Variants in ESRRA observed in about 807,000 individuals in gnomAD.
The protein encoded by ESRRA is estrogen related receptor alpha.
Under a neutral mutation model 35.6 loss-of-function variants are expected in ESRRA, and 7 were observed. The observed-to-expected ratio is 0.20, with a 90% CI of 0.11 to 0.37. The LOEUF is 0.37. Among genes scored for constraint, ESRRA ranks in the 10% least tolerant of loss-of-function variants. The probability of loss-of-function intolerance (pLI) is 1.00; values close to 1 mark genes in which losing one functional copy is unlikely to be tolerated. For missense variants in ESRRA, 378 were observed against 561.7 expected, an observed-to-expected ratio of 0.67 and a Z score of 3.31; for synonymous variants, 223 against 246.9, an observed-to-expected ratio of 0.90 and a Z score of 0.91.
At position 64,313,102 on chromosome 11, in the gene ESRRA, C is replaced by T. The variant is rs956661556; in HGVS notation, c.326-849C>T. On this transcript the variant is annotated intron_variant, in intron 2 of 6. Transcript: ENST00000000442. This position sits in a 1 kb window ranked among gnomAD's most constrained non-coding sequence, Gnocchi z 4.0. ...CAAGCAGGGACAGCCAAGCGAGGGG[C>T]GAGGTGACAGTGACTATCAGGTCAA... Among the ~76,000 whole-genome samples the T allele has an allele frequency of 3.3e-5, 5 of 151,950 alleles. No individual in the cohort carries two copies. Among genetic ancestry groups the T allele is most frequent in the East Asian group, 1.9e-4 (1 of 5,178 alleles).
At position 64,313,072 on chromosome 11, in the gene ESRRA, T is replaced by C. The variant is rs1273587450; in HGVS notation, c.326-879T>C. Among the ~76,000 whole-genome samples the C allele has an allele frequency of 1.3e-5, 2 of 152,012 alleles. No individual in the cohort carries two copies. Among genetic ancestry groups the C allele is most frequent in the African/African-American group, 2.4e-5 (1 of 41,382 alleles). On this transcript the variant is annotated intron_variant, in intron 2 of 6. Transcript: ENST00000000442. This position sits in a 1 kb window ranked among gnomAD's most constrained non-coding sequence, Gnocchi z 4.0. ...CTTGGCTGCTGAGTCGAGAACAGAC[T>C]GGAGCAAGCAGGGACAGCCAAGCGA...
chr11:64,309,878 G>A (rs984030632), intron 2 of ESRRA, among the ~76,000 whole-genome samples: 1 of 147,786 alleles, frequency 6.8e-6, no homozygotes, highest in African/African-American at 2.5e-5. Flanking sequence ...GTTGGAGTTA[G>A]CCAAGATCGT....
intron 3 of ESRRA, 43 bp from the exon 4 acceptor site, chr11:64,314,196 C>G: frequency 6.3e-7 from 1 of 1,581,406 alleles, no homozygotes; most frequent in Non-Finnish European, 8.6e-7. Context: ...CCCACCCTGC[C>G]CACAGCACCA....
intron 2 of ESRRA, among the ~76,000 whole-genome samples, chr11:64,309,796 G>A (rs191683889): frequency 1.6e-4 from 25 of 151,992 alleles, no homozygotes; most frequent in Admixed American, 1.2e-3. Context: ...GCCAGGTGTC[G>A]TGGTGGGTGC....
chr11:64,308,081 G>A (rs1431242948), intron 2 of ESRRA, among the ~76,000 whole-genome samples: 3 of 151,946 alleles, frequency 2.0e-5, no homozygotes, highest in African/African-American at 7.3e-5. Flanking sequence ...TAGTAGAGAC[G>A]ACGTTTCACC....
At position 64,307,384 on chromosome 11, in the gene ESRRA, C is replaced by G. The variant is rs2035057557; in HGVS notation, c.205C>G (p.Leu69Val). The G allele has an allele frequency of 6.2e-7, 1 of 1,602,342 alleles. No homozygotes were observed. Among genetic ancestry groups the G allele is most frequent in the African/African-American group, 1.3e-5 (1 of 74,758 alleles). The change falls in exon 2 of 7, where the codon CTG becomes GTG. Residue 69 changes from leucine (L) to valine (V), a missense_variant. Physicochemically the swap from Leu to Val is conservative, Grantham distance 32. Around this residue, in one of 4 missense-constraint regions of ESRRA, gnomAD observed 87 missense variants for 92.6 expected, o/e 0.94. Transcript: ENST00000000442. ...GCCTGGCGAGCAGGGCGGTGGGAAG[C>G]TGGTGCTCAGCTCCCTGCCCAAGCG... is the stretch of plus-strand genomic sequence containing the variant. ...AGPGEQGGGK[L>V]VLSSLPKRLC... is the part of the protein sequence containing the mutation.
At position 64,306,989 on chromosome 11, in the gene ESRRA, A is replaced by G. The variant is rs534114877; in HGVS notation, c.-12-179A>G. ...CCCTGAAGACTCTGTTTCCATGGCA[A>G]CAGCTAGGAGGGGGCAGTGTTCCTG... On this transcript the variant is annotated intron_variant, in intron 1 of 6. Transcript: ENST00000000442. 24 of 474,760 alleles carry G rather than the reference A, an allele frequency of 5.1e-5. 2 individuals are homozygous for G. In the South Asian group the frequency reaches 7.1e-4, roughly 14 times the overall value. The allele number at this position is 474,760 out of a possible 1,614,324, so 29.4% of individuals were successfully genotyped here.
chr11:64,310,499 G>T (rs1339551900), intron 2 of ESRRA, among the ~76,000 whole-genome samples: 1 of 148,506 alleles, frequency 6.7e-6, no homozygotes, highest in Non-Finnish European at 1.5e-5. Context: ...CTCCCAAAGT[G>T]CTGGGATTAC....
In ESRRA at chr11:64,314,886, C is replaced by T. The variant is rs76256029; in HGVS notation, c.717C>T (p.Thr239=). 934 of 1,612,438 alleles carry T rather than the reference C, an allele frequency of 5.8e-4. No homozygotes were observed. The highest frequency in any genetic ancestry group is 7.7e-4 in the Non-Finnish European group (907 of 1,179,988). ...CDLFDREIVV[T]ISWAKSIPGF... is the part of the protein sequence containing the mutation. ...TCTTTGACCGAGAGATTGTGGTCAC[C>T]ATCAGCTGGGCCAAGAGCATCCCAG... Residue 239 remains threonine, a synonymous_variant, in exon 5 of 7, where the codon ACC becomes ACT. Transcript: ENST00000000442.
At chr11:64,311,944 A>G (rs940932044) in intron 2 of ESRRA, among the ~76,000 whole-genome samples, 8 of 139,586 alleles carry the variant, frequency 5.7e-5, no homozygotes, top group Middle Eastern at 4.7e-3. Flanking sequence ...CGGCCTCCCA[A>G]AGTGCTGGGA....
Position 64,307,144 on chromosome 11 carries a change from G to C in ESRRA, c.-12-24G>C, listed in dbSNP as rs752779312. ...ATCCCCCATACCAGTGCTTTCCTGC[G>C]AACCTATGGGTCTCTCCGTGCAGGT... On this transcript the variant is annotated intron_variant, in intron 1 of 6. Transcript: ENST00000000442. The C allele has an allele frequency of 4.6e-6, 7 of 1,520,574 alleles. No homozygotes were observed. The Middle Eastern group carries it at 5.3e-4, about 115-fold the overall frequency. 94.2% of individuals were successfully genotyped at this position (1,520,574 alleles called of 1,614,324 possible). A position where few individuals can be genotyped will look rare whatever the true frequency, so the allele number is the denominator to read the frequency against.
chr11:64,315,142 A>C lies in ESRRA; in HGVS notation c.884A>C (p.Glu295Ala), dbSNP rs1397630028. Residue 295 changes from glutamate (E) to alanine (A), a missense_variant, in exon 6 of 7, where the codon GAG becomes GCG. This residue lies in a region of ESRRA where 284 missense variants were observed against 411.7 expected (regional missense o/e 0.69). Transcript: ENST00000000442. ...AFAEDLVLDE[E>A]GARAAGLGEL... The stretch of plus-strand genomic sequence containing the variant: ...GCTGAGGACTTAGTCCTGGATGAAG[A>C]GGGGGCACGGGCAGCTGGCCTGGGG... 6 of 1,612,936 alleles carry C rather than the reference A, an allele frequency of 3.7e-6. No individual in the cohort carries two copies. The highest frequency in any genetic ancestry group is 5.1e-6 in the Non-Finnish European group (6 of 1,180,010).
intron 2 of ESRRA, among the ~76,000 whole-genome samples, chr11:64,311,388 G>A (rs1420158125): frequency 6.6e-6 from 1 of 151,546 alleles, no homozygotes; most frequent in African/African-American, 2.4e-5. Flanking sequence ...AAGGGGAGGT[G>A]CTGGTTCTGA....
Position 64,316,640 on chromosome 11 carries a change from G to A in ESRRA, c.*674G>A. 1 of 541,386 alleles carries A rather than the reference G, an allele frequency of 1.8e-6. No homozygotes were observed. The highest frequency in any genetic ancestry group is 2.2e-5 in the South Asian group (1 of 45,598). The allele number at this position is 541,386 out of a possible 1,614,324, so 33.5% of individuals were successfully genotyped here. On this transcript the variant is annotated 3_prime_UTR_variant, in exon 7 of 7. Coordinates refer to ENST00000000442, the MANE Select transcript of ESRRA (RefSeq NM_004451.5). ...GGGCAAGCCAGGGCCCAGAGCCCTTGGCTGTACAGAGACTCTATTTTAATG... is the reference window on the plus strand; with the variant it reads ...GGGCAAGCCAGGGCCCAGAGCCCTTAGCTGTACAGAGACTCTATTTTAATG...
At position 64,314,032 on chromosome 11, in the gene ESRRA, TCAC is replaced by T. The variant is rs1425851845; in HGVS notation, c.410_412del (p.Thr137del). ...CGCAAGGCCTGCCAGGCCTGCCGCT[TCAC>T]CAAGTGCCTGCGGGTGGGCATGCTC... On this transcript the variant is annotated inframe_deletion, in exon 3 of 7. Coordinates refer to ENST00000000442, the MANE Select transcript of ESRRA (RefSeq NM_004451.5). 1 of 1,591,048 alleles carries T rather than the reference TCAC, an allele frequency of 6.3e-7. No individual in the cohort carries two copies. Among genetic ancestry groups the T allele is most frequent in the Non-Finnish European group, 8.6e-7 (1 of 1,168,352 alleles).
At chr11:64,309,932 CA>C (rs35187370) in intron 2 of ESRRA, among the ~76,000 whole-genome samples, 20,852 of 74,626 alleles carry the variant, frequency 0.28, 1,507 homozygotes, top group East Asian at 0.54. Flanking sequence ...GAGTTCGTAT[CA>C]AAAAAAAAAA....
chr11:64,315,353 T>C, intron 6 of ESRRA, 83 bp downstream of exon 6: 8 of 1,443,762 alleles, frequency 5.5e-6, no homozygotes, highest in Non-Finnish European at 7.4e-6. Context: ...CAGCCCCATT[T>C]TGCAGATAAC....
At position 64,316,377 on chromosome 11, in the gene ESRRA, G is replaced by A. The variant is rs1448931486; in HGVS notation, c.*411G>A. On this transcript the variant is annotated 3_prime_UTR_variant, in exon 7 of 7. Coordinates refer to ENST00000000442, the MANE Select transcript of ESRRA (RefSeq NM_004451.5). ...TCTTCAAAGCAGAGTGGGACTTGGA[G>A]AGCAAAGGCCCATGCCCCCTTCGCT... 9.9e-6 allele frequency: 2 copies of A among 201,250 alleles called. No individual in the cohort carries two copies. The highest frequency in any genetic ancestry group is 2.3e-5 in the African/African-American group (1 of 42,696). The allele number at this position is 201,250 out of a possible 1,614,324, so 12.5% of individuals were successfully genotyped here. A position where few individuals can be genotyped will look rare whatever the true frequency, so the allele number is the denominator to read the frequency against.
intron 6 of ESRRA, 89 bp downstream of exon 6, chr11:64,315,359 A>T: frequency 7.0e-7 from 1 of 1,420,478 alleles, no homozygotes; most frequent in Non-Finnish European, 9.4e-7. Context: ...CATTTTGCAG[A>T]TAACGAAAAC....
Sources: gnomAD v4.1 joint callset for allele counts (sites outside exome capture counted in the v4.1 genomes callset) on GRCh38, gnomAD v4.1.1 for gene constraint, gnomAD v4.1.1 regional missense constraint, Gnocchi (gnomAD v3.1) non-coding constraint, MANE v1.5 for transcripts, NCBI Gene and HGNC (gene_info 2026-07-23, HGNC 2026-07-21) for gene names.